Variants in UGT2A2 observed in about 807,000 individuals in gnomAD.
The protein encoded by UGT2A2 is UDP glucuronosyltransferase family 2 member A2, also known as UDP-glucuronosyltransferase 2A2.
A neutral mutation model predicts 50.7 loss-of-function variants in UGT2A2; 60 were observed. That is an observed-to-expected ratio of 1.18 (90% confidence interval 0.96 to 1.47). The LOEUF (loss-of-function observed/expected upper bound fraction) is 1.47, where lower values mean the gene tolerates loss of function less well. Among genes scored for constraint, UGT2A2 ranks in the 40% most tolerant of loss-of-function variants. UGT2A2 has a pLI of 0.00. For missense variants in UGT2A2, 762 were observed against 634.0 expected, an observed-to-expected ratio of 1.20 and a Z score of -2.17; for synonymous variants, 242 against 214.6, an observed-to-expected ratio of 1.13 and a Z score of -1.11.
chr4:69,589,558 C>G lies in UGT2A2; in HGVS notation c.1425G>C (p.Met475Ile). 6.2e-7 allele frequency: 1 copy of G among 1,614,010 alleles called. No individual in the cohort carries two copies. The highest frequency in any genetic ancestry group is 8.5e-7 in the Non-Finnish European group (1 of 1,179,946). Residue 475 changes from methionine (M) to isoleucine (I), a missense_variant, in exon 6 of 6, where the codon ATG (methionine) becomes ATC (isoleucine). Physicochemically the swap from Met to Ile is conservative, Grantham distance 10 (BLOSUM62 1). Transcript: ENST00000604629. ...DRAVFWIEFV[M>I]RHKGAKHLRV... is the part of the protein sequence containing the mutation. ...GAAGGTGCTTGGCTCCTTTGTGGCG[C>G]ATGACAAACTCGATCCAGAAGACTG... is the stretch of plus-strand genomic sequence containing the variant.
intron 1 of UGT2A2, among the ~76,000 whole-genome samples, chr4:69,607,224 A>T (rs559763834): frequency 0.021 from 2,616 of 127,608 alleles, 46 homozygotes; most frequent in Non-Finnish European, 0.032. Context: ...AACAGAGATA[A>T]AGACCAATGG....
At chr4:69,617,719 T>C (rs1720487697) in intron 1 of UGT2A2, among the ~76,000 whole-genome samples, 1 of 151,792 alleles carries the variant, frequency 6.6e-6, no homozygotes, top group South Asian at 2.1e-4. Context: ...TTATTATTCA[T>C]TATTGGGAGT....
intron 2 of UGT2A2, among the ~76,000 whole-genome samples, chr4:69,598,265 T>C (rs1719055903): frequency 6.6e-6 from 1 of 152,180 alleles, no homozygotes; most frequent in African/African-American, 2.4e-5. Context: ...AGTACTCTTA[T>C]AGGAACCTGC....
chr4:69,630,610 C>G (rs1293828363), intron 1 of UGT2A2, among the ~76,000 whole-genome samples: 1 of 152,084 alleles, frequency 6.6e-6, no homozygotes, highest in Non-Finnish European at 1.5e-5. Flanking sequence ...AAATAGGCCT[C>G]TAAGAAAACC....
Position 69,588,681 on chromosome 4 carries a change from A to T in UGT2A2, c.*691T>A, listed in dbSNP as rs1315385385. ...TTGAAATAAAAGAGTCGATTGATTG[A>T]TTTATTAAAGACAGTACCCAAATCT... On this transcript the variant is annotated 3_prime_UTR_variant, in exon 6 of 6. Coordinates refer to ENST00000604629, the MANE Select transcript of UGT2A2 (RefSeq NM_001105677.2). The T allele has an allele frequency of 6.6e-6, 1 of 152,086 alleles. No homozygotes were observed. Among genetic ancestry groups the T allele is most frequent in the Non-Finnish European group, 1.5e-5 (1 of 67,996 alleles). 9.4% of individuals were successfully genotyped at this position (152,086 alleles called of 1,614,324 possible). A position where few individuals can be genotyped will look rare whatever the true frequency, so the allele number is the denominator to read the frequency against.
At chr4:69,609,209 GT>G (rs1242632387) in intron 1 of UGT2A2, among the ~76,000 whole-genome samples, 1 of 150,100 alleles carries the variant, frequency 6.7e-6, no homozygotes, top group East Asian at 1.9e-4. Context: ...CTGGAATGCA[GT>G]GGTGCCAACA....
At chr4:69,632,576 C>G (rs1351150818) in intron 1 of UGT2A2, among the ~76,000 whole-genome samples, 1 of 152,002 alleles carries the variant, frequency 6.6e-6, no homozygotes, top group Non-Finnish European at 1.5e-5. Context: ...GGAAATCATC[C>G]TTAGTGAATA....
intron 1 of UGT2A2, among the ~76,000 whole-genome samples, chr4:69,636,026 T>C (rs917965842): frequency 6.6e-6 from 1 of 152,110 alleles, no homozygotes; most frequent in Non-Finnish European, 1.5e-5. Context: ...GTTAATTGTT[T>C]TACTCATTTC....
intron 1 of UGT2A2, among the ~76,000 whole-genome samples, chr4:69,616,244 T>C (rs904912950): frequency 2.0e-5 from 3 of 150,448 alleles, no homozygotes; most frequent in African/African-American, 7.3e-5. Flanking sequence ...TCTTGGGGGG[T>C]GGGGAGGGTA....
chr4:69,606,066 C>A (rs1466954930), intron 1 of UGT2A2, among the ~76,000 whole-genome samples: 2 of 136,890 alleles, frequency 1.5e-5, no homozygotes, highest in Non-Finnish European at 3.1e-5. Context: ...CTCCTTAAAT[C>A]ATTTTATGAG....
chr4:69,592,345 C>A (rs545081911), intron 5 of UGT2A2, among the ~76,000 whole-genome samples: 3 of 150,886 alleles, frequency 2.0e-5, no homozygotes, highest in Non-Finnish European at 3.0e-5. Context: ...ACACCAAGAC[C>A]GAGAAAAAAT....
chr4:69,605,649 A>G (rs1425023618), intron 1 of UGT2A2, among the ~76,000 whole-genome samples: 2 of 136,736 alleles, frequency 1.5e-5, no homozygotes, highest in Admixed American at 7.2e-5. Context: ...TTTTTTGAAA[A>G]GATCAACCAA....
intron 1 of UGT2A2, among the ~76,000 whole-genome samples, chr4:69,609,697 T>C (rs554399631): frequency 6.6e-6 from 1 of 152,256 alleles, no homozygotes; most frequent in South Asian, 2.1e-4. Context: ...CCTATACCTA[T>C]ACCTATACCT....
At chr4:69,622,642 C>T (rs11249452) in intron 1 of UGT2A2, among the ~76,000 whole-genome samples, 6 of 151,244 alleles carry the variant, frequency 4.0e-5, no homozygotes, top group South Asian at 2.1e-4. Context: ...TTCTTGGTCT[C>T]GAGGCTCAAA....
At chr4:69,610,017 T>G (rs1719939041) in intron 1 of UGT2A2, among the ~76,000 whole-genome samples, 1 of 152,164 alleles carries the variant, frequency 6.6e-6, no homozygotes, top group Non-Finnish European at 1.5e-5. Flanking sequence ...CTAGCAGACC[T>G]ATAAAGTTTT....
rs777257824 is a variant in UGT2A2, at chr4:69,599,347, A to T, written c.790T>A (p.Leu264Ile). The change falls in exon 2 of 6, where the codon TTA becomes ATA. Residue 264 changes from leucine (L) to isoleucine (I), a missense_variant. Coordinates refer to ENST00000604629, the MANE Select transcript of UGT2A2 (RefSeq NM_001105677.2). ...TCAAAATCCCAATATGTTCGGATTA[A>T]CCAAATTTCAGCTTTCCCCATAGTC... ...CETMGKAEIWLIRTYWDFEFP... is the reference protein window; with the variant it reads ...CETMGKAEIWIIRTYWDFEFP... 1.1e-5 allele frequency: 17 copies of T among 1,613,784 alleles called. No homozygotes were observed. The South Asian group carries it at 1.9e-4, about 18-fold the overall frequency.
At position 69,639,413 on chromosome 4, in the gene UGT2A2, A is replaced by G. The variant is rs1347151471; in HGVS notation, c.228T>C (p.Ser76=). Residue 76 remains serine (S), a synonymous_variant, in exon 1 of 6, where the codon TCT becomes TCC. Coordinates refer to ENST00000604629, the MANE Select transcript of UGT2A2 (RefSeq NM_001105677.2). ...CAGGTATCACTTCAAAATTCACAGG[A>G]GAATCGGGATTGGAGTTGATGAATA... ...ATLFINSNPD[S]PVNFEVIPVS... 1 of 1,613,380 alleles carries G rather than the reference A, an allele frequency of 6.2e-7. No individual in the cohort carries two copies. The highest frequency in any genetic ancestry group is 8.5e-7 in the Non-Finnish European group (1 of 1,179,616).
chr4:69,605,620 C>T (rs1247313472), intron 1 of UGT2A2, among the ~76,000 whole-genome samples: 1 of 136,044 alleles, frequency 7.4e-6, no homozygotes, highest in Non-Finnish European at 1.6e-5. Context: ...TTTAAAAAAT[C>T]AATGAATCCA....
chr4:69,612,723 T>C (rs1441343990), intron 1 of UGT2A2, among the ~76,000 whole-genome samples: 5 of 151,918 alleles, frequency 3.3e-5, no homozygotes, highest in Middle Eastern at 3.4e-3. Context: ...TATAAAAACA[T>C]TAATGGAATG....
Sources: gnomAD v4.1 joint callset for allele counts (sites outside exome capture counted in the v4.1 genomes callset) on GRCh38, gnomAD v4.1.1 for gene constraint, MANE v1.5 for transcripts, NCBI Gene and HGNC (gene_info 2026-07-23, HGNC 2026-07-21) for gene names.